The following OPN5 variants were observed in gnomAD, a reference collection of about 807,000 sequenced individuals.
The protein encoded by OPN5 is opsin-5.
Under a neutral mutation model 41.7 loss-of-function variants are expected in OPN5, and 18 were observed. The ratio of observed to expected loss-of-function variants is 0.43; its 90% CI spans 0.30 to 0.64. The LOEUF (loss-of-function observed/expected upper bound fraction) is 0.64. Ranked by LOEUF, OPN5 falls within the 30% of genes least tolerant of loss-of-function variation. OPN5 has a pLI of 0.13. For missense variants in OPN5, 318 were observed against 434.5 expected, an observed-to-expected ratio of 0.73 and a Z score of 2.38; for synonymous variants, 178 against 164.3, an observed-to-expected ratio of 1.08 and a Z score of -0.64.
At chr6:47,821,327 C>T (rs1762616327) in intron 6 of OPN5, among the ~76,000 whole-genome samples, 2 of 152,238 alleles carry the variant, frequency 1.3e-5, no homozygotes, top group African/African-American at 4.8e-5. Flanking sequence ...AGGGAGGGCT[C>T]TCCTAAGCCA....
intron 4 of OPN5, among the ~76,000 whole-genome samples, chr6:47,802,059 C>T (rs948582389): frequency 1.3e-5 from 2 of 152,202 alleles, no homozygotes; most frequent in Admixed American, 1.3e-4. Flanking sequence ...GAATTTCCAA[C>T]GTTTTGTGCC....
At chr6:47,794,021 T>C (rs545863612) in intron 3 of OPN5, among the ~76,000 whole-genome samples, 1 of 152,328 alleles carries the variant, frequency 6.6e-6, no homozygotes, top group Non-Finnish European at 1.5e-5. Context: ...AAACAATCTG[T>C]TATATTTCTT....
chr6:47,787,806 G>C (rs1015069181), intron 2 of OPN5, among the ~76,000 whole-genome samples: 3 of 152,056 alleles, frequency 2.0e-5, no homozygotes, highest in Non-Finnish European at 2.9e-5. Context: ...AAATAGCTGG[G>C]CACTTGATCA....
chr6:47,815,510 A>T (rs1325996126), intron 6 of OPN5, among the ~76,000 whole-genome samples: 2 of 152,174 alleles, frequency 1.3e-5, no homozygotes, highest in Non-Finnish European at 2.9e-5. Flanking sequence ...ATCAGAGAAC[A>T]TTATATATAG....
At chr6:47,821,078 G>A (rs182964906) in intron 6 of OPN5, among the ~76,000 whole-genome samples, 175 of 152,290 alleles carry the variant, frequency 1.1e-3, no homozygotes, top group Non-Finnish European at 1.8e-3. Context: ...TTGTCTTCAC[G>A]TTGAGTAGGA....
At chr6:47,811,944 G>A (rs1015856366) in intron 6 of OPN5, 1 of 370,936 alleles carries the variant, frequency 2.7e-6, no homozygotes, top group Non-Finnish European at 4.9e-6. Context: ...TTATCAGGAT[G>A]AGCGTCCCTG....
chr6:47,786,762 A>G (rs1329543), intron 2 of OPN5, 128 bp downstream of exon 2: 420,069 of 777,148 alleles, frequency 0.54, 117,794 homozygotes, highest in East Asian at 0.88. Context: ...CGCTTCACAA[A>G]TCAACTTTCA....
intron 4 of OPN5, among the ~76,000 whole-genome samples, chr6:47,796,752 T>C (rs1773584517): frequency 2.6e-5 from 4 of 152,190 alleles, no homozygotes; most frequent in Admixed American, 2.6e-4. Context: ...GTTCTGGTAA[T>C]ATGCCTCTCT....
At chr6:47,802,965 T>C (rs1465059041) in intron 4 of OPN5, among the ~76,000 whole-genome samples, 1 of 152,168 alleles carries the variant, frequency 6.6e-6, no homozygotes, top group Non-Finnish European at 1.5e-5. Flanking sequence ...TGTTTTTTTC[T>C]TTTTTTGAAG....
intron 5 of OPN5, among the ~76,000 whole-genome samples, chr6:47,810,286 G>T (rs1034082000): frequency 6.6e-6 from 1 of 152,222 alleles, no homozygotes; most frequent in African/African-American, 2.4e-5. Context: ...TGGAAGGAAT[G>T]CTGAAGAGAT....
chr6:47,817,997 A>G (rs1255551854), intron 6 of OPN5, among the ~76,000 whole-genome samples: 1 of 152,154 alleles, frequency 6.6e-6, no homozygotes, highest in Non-Finnish European at 1.5e-5. Flanking sequence ...CTGTTGGGTG[A>G]GTCAGCATTT....
chr6:47,802,956 G>A (rs937159997), intron 4 of OPN5, among the ~76,000 whole-genome samples: 3 of 151,852 alleles, frequency 2.0e-5, no homozygotes, highest in African/African-American at 7.3e-5. Context: ...TTCTTTACTT[G>A]TTTTTTTCTT....
At chr6:47,786,455 A>G in intron 1 of OPN5, 60 bp from the exon 2 acceptor site, 2 of 1,474,836 alleles carry the variant, frequency 1.4e-6, no homozygotes, top group East Asian at 2.3e-5. Flanking sequence ...GAAGTGTTTC[A>G]TATCTGAGTG....
At chr6:47,796,117 A>G (rs1773562817) in intron 4 of OPN5, among the ~76,000 whole-genome samples, 1 of 152,188 alleles carries the variant, frequency 6.6e-6, no homozygotes, top group African/African-American at 2.4e-5. Flanking sequence ...CAGAGGTGAC[A>G]GTTCTTTAGG....
chr6:47,811,091 G>C (rs760975313), intron 5 of OPN5, among the ~76,000 whole-genome samples: 3 of 152,196 alleles, frequency 2.0e-5, no homozygotes, highest in Non-Finnish European at 4.4e-5. Context: ...ACAGAGACCA[G>C]TGAGGCCACC....
chr6:47,799,196 G>GTA (rs377613785), intron 4 of OPN5, among the ~76,000 whole-genome samples: 19,497 of 145,986 alleles, frequency 0.13, 1,353 homozygotes, highest in African/African-American at 0.18. Flanking sequence ...GAGGTGTGAT[G>GTA]TATATATATA....
intron 1 of OPN5, among the ~76,000 whole-genome samples, chr6:47,786,305 A>G: frequency 6.6e-6 from 1 of 152,218 alleles, no homozygotes; most frequent in Admixed American, 6.5e-5. Context: ...GGGTAAGTTC[A>G]GTCTTATAAT....
At chr6:47,794,126 T>G (rs1044012920) in intron 3 of OPN5, among the ~76,000 whole-genome samples, 5 of 152,246 alleles carry the variant, frequency 3.3e-5, no homozygotes, top group African/African-American at 1.2e-4. Context: ...TACATTATTT[T>G]ATTTAACCCA....
At chr6:47,790,259 A>G (rs747297095) in intron 2 of OPN5, among the ~76,000 whole-genome samples, 1 of 152,236 alleles carries the variant, frequency 6.6e-6, no homozygotes, top group African/African-American at 2.4e-5. Context: ...GAAAAAGAGC[A>G]TGACTTAGAA....
Sources: gnomAD v4.1 joint callset for allele counts (sites outside exome capture counted in the v4.1 genomes callset) on GRCh38, gnomAD v4.1.1 for gene constraint, MANE v1.5 for transcripts, NCBI Gene and HGNC (gene_info 2026-07-23, HGNC 2026-07-21) for gene names.